Variants in STAU1 observed in about 807,000 individuals in gnomAD.
STAU1 encodes double-stranded RNA-binding protein Staufen homolog 1.
STAU1 carries 13 observed loss-of-function variants against 62.9 expected under a neutral mutation model. The observed-to-expected ratio is 0.21, with a 90% CI of 0.13 to 0.33. The LOEUF is 0.33. STAU1 is among the 10% of genes least tolerant of loss of function. The pLI is 1.00. For missense variants in STAU1, 571 were observed against 712.1 expected (o/e 0.80, Z 2.25); for synonymous variants, 269 against 265.1 (o/e 1.01, Z -0.14).
chr20:49,186,916 C>T (rs891217717), intron 1 of STAU1, among the ~76,000 whole-genome samples: 4 of 152,020 alleles, frequency 2.6e-5, no homozygotes, highest in Non-Finnish European at 4.4e-5. Flanking sequence ...CAGACTGAAG[C>T]ACGTATCTTC....
chr20:49,136,674 C>T (rs1167313280), intron 5 of STAU1, among the ~76,000 whole-genome samples: 2 of 151,848 alleles, frequency 1.3e-5, no homozygotes, highest in Non-Finnish European at 2.9e-5. Flanking sequence ...AGTATGCAGG[C>T]TTATTTGAAC....
At chr20:49,187,788 C>A (rs968883359) in intron 1 of STAU1, among the ~76,000 whole-genome samples, 4 of 148,834 alleles carry the variant, frequency 2.7e-5, no homozygotes, top group Non-Finnish European at 6.0e-5. Context: ...CCCCCCCCCC[C>A]GCCTGCGCCC....
intron 2 of STAU1, among the ~76,000 whole-genome samples, chr20:49,169,097 T>G (rs975258412): frequency 6.6e-6 from 1 of 151,954 alleles, no homozygotes; most frequent in Non-Finnish European, 1.5e-5. Context: ...ATTACAGGCG[T>G]GTACCACCAC....
intron 3 of STAU1, among the ~76,000 whole-genome samples, chr20:49,165,615 C>T (rs1027206254): frequency 1.3e-5 from 2 of 152,194 alleles, no homozygotes; most frequent in South Asian, 2.1e-4. Context: ...GGATTACAGG[C>T]GTGAGCCACG....
upstream of STAU1, among the ~76,000 whole-genome samples, chr20:49,191,340 ACT>A (rs1474962420): frequency 1.5e-4 from 22 of 151,702 alleles, no homozygotes; most frequent in Non-Finnish European, 2.8e-4. Context: ...TATCTGTTCC[ACT>A]CTCATAGCCT....
intron 1 of STAU1, among the ~76,000 whole-genome samples, chr20:49,186,927 G>C (rs1302055227): frequency 6.6e-6 from 1 of 151,970 alleles, no homozygotes; most frequent in African/African-American, 2.4e-5. Context: ...ACGTATCTTC[G>C]CGGAACAGAA....
chr20:49,183,352 A>G (rs1836466048), intron 1 of STAU1, among the ~76,000 whole-genome samples: 1 of 152,194 alleles, frequency 6.6e-6, no homozygotes, highest in African/African-American at 2.4e-5. Context: ...ATCACATCAA[A>G]TAAGAAGATC....
the STAU1 span, among the ~76,000 whole-genome samples, chr20:49,212,701 C>T: frequency 2.0e-5 from 3 of 147,752 alleles, no homozygotes; most frequent in Non-Finnish European, 4.5e-5. Context: ...CCTCCACCTC[C>T]CAAGTTCAAG....
At chr20:49,118,746 T>G (rs1406377564) in intron 9 of STAU1, among the ~76,000 whole-genome samples, 1 of 152,116 alleles carries the variant, frequency 6.6e-6, no homozygotes, top group African/African-American at 2.4e-5. Flanking sequence ...CCCACCAAGG[T>G]GGGGAAAGAA....
At chr20:49,163,337 A>C (rs2093477758) in intron 3 of STAU1, among the ~76,000 whole-genome samples, 1 of 151,670 alleles carries the variant, frequency 6.6e-6, no homozygotes, top group African/African-American at 2.4e-5. Context: ...TCCTATTCAT[A>C]AGAATATTGG....
At chr20:49,142,072 C>CAACAACAACAACAAA (rs1370839647) in intron 5 of STAU1, among the ~76,000 whole-genome samples, 1 of 151,656 alleles carries the variant, frequency 6.6e-6, no homozygotes, top group East Asian at 1.9e-4. Flanking sequence ...AGAACAACAA[C>CAACAACAACAACAAA]AACAACAAAT....
intron 2 of STAU1, among the ~76,000 whole-genome samples, chr20:49,172,564 A>T (rs2093610720): frequency 6.6e-6 from 1 of 152,318 alleles, no homozygotes; most frequent in Non-Finnish European, 1.5e-5. Flanking sequence ...TTCCTTTCAG[A>T]AAAGGGAAAC....
At chr20:49,148,484 G>A (rs953844996) in intron 5 of STAU1, among the ~76,000 whole-genome samples, 32 of 152,228 alleles carry the variant, frequency 2.1e-4, no homozygotes, top group African/African-American at 1.2e-4. Context: ...AGTCGCAAGC[G>A]TTTAGGGTAA....
intron 2 of STAU1, among the ~76,000 whole-genome samples, chr20:49,170,097 T>C (rs2093577966): frequency 6.6e-6 from 1 of 152,120 alleles, no homozygotes; most frequent in East Asian, 1.9e-4. Flanking sequence ...AAATTATACA[T>C]GATGTACTAA....
intron 4 of STAU1, among the ~76,000 whole-genome samples, chr20:49,153,710 C>CAAAAAAAAAAAAAAAAAAAAAAAA (rs145558067): frequency 2.7e-4 from 18 of 67,610 alleles, no homozygotes; most frequent in East Asian, 1.4e-3. Flanking sequence ...GACTCTGTCT[C>CAAAAAAAAAAAAAAAAAAAAAAAA]AAAAAAAAAA....
At chr20:49,140,943 T>A (rs1348174789) in intron 5 of STAU1, among the ~76,000 whole-genome samples, 1 of 148,648 alleles carries the variant, frequency 6.7e-6, no homozygotes, top group African/African-American at 2.5e-5. Flanking sequence ...GCTGTTTCCC[T>A]GAAGAGCATC....
chr20:49,175,314 G>C (rs1451786680), intron 1 of STAU1, among the ~76,000 whole-genome samples: 2 of 151,658 alleles, frequency 1.3e-5, no homozygotes, highest in East Asian at 3.9e-4. Context: ...CTGGGCCACA[G>C]AGTGAGACTC....
At chr20:49,172,232 G>A (rs1227614770) in intron 2 of STAU1, among the ~76,000 whole-genome samples, 2 of 152,134 alleles carry the variant, frequency 1.3e-5, no homozygotes, top group Non-Finnish European at 2.9e-5. Context: ...TTTCATCCTA[G>A]AAAACCCATC....
intron 6 of STAU1, among the ~76,000 whole-genome samples, chr20:49,127,782 G>C (rs1237859228): frequency 6.6e-6 from 1 of 152,178 alleles, no homozygotes; most frequent in Non-Finnish European, 1.5e-5. Context: ...GAAGGCCAAG[G>C]CGGGTGGATG....
Sources: allele counts gnomAD v4.1 joint callset (sites outside exome capture counted in the v4.1 genomes callset), GRCh38; gene constraint gnomAD v4.1.1; transcripts MANE v1.5; gene names NCBI Gene and HGNC (gene_info 2026-07-23, HGNC 2026-07-21).